Variants in SCARB2 observed in about 807,000 individuals in gnomAD.
SCARB2 encodes the protein lysosome membrane protein 2.
Under a neutral mutation model 58.6 loss-of-function variants are expected in SCARB2, and 29 were observed. That is an observed-to-expected ratio of 0.49 (90% CI 0.37 to 0.67). SCARB2 has a LOEUF of 0.67. SCARB2 is among the 30% of genes least tolerant of loss of function. SCARB2 has a pLI of 0.00. For missense variants in SCARB2, 488 were observed against 578.5 expected, an observed-to-expected ratio of 0.84 and a Z score of 1.60; for synonymous variants, 195 against 210.1, an observed-to-expected ratio of 0.93 and a Z score of 0.62.
At position 76,213,621 on chromosome 4, in the gene SCARB2, G is replaced by C; in HGVS notation, c.-78C>G. ...GCAAGGAGGGAGGAGCCGCCGCAGAGGCGTCGAAGACCCGGGACCCTTCGG... is the reference window on the plus strand; with the variant it reads ...GCAAGGAGGGAGGAGCCGCCGCAGACGCGTCGAAGACCCGGGACCCTTCGG... On this transcript the variant is annotated 5_prime_UTR_variant, in exon 1 of 12. Transcript: ENST00000264896. The C allele has an allele frequency of 2.5e-6, 3 of 1,206,208 alleles. No homozygotes were observed. In the Admixed American group the frequency reaches 5.5e-5, roughly 22 times the overall value. The allele number at this position is 1,206,208 out of a possible 1,614,324, so 74.7% of individuals were successfully genotyped here.
intron 2 of SCARB2, among the ~76,000 whole-genome samples, chr4:76,187,585 T>C (rs1732513928): frequency 6.6e-6 from 1 of 152,184 alleles, no homozygotes; most frequent in African/African-American, 2.4e-5. Flanking sequence ...TCCTATGCTA[T>C]AACATTAGGT....
At chr4:76,174,911 T>C (rs1025106867) in intron 6 of SCARB2, 2 of 160,842 alleles carry the variant, frequency 1.2e-5, no homozygotes, top group South Asian at 1.8e-4. Context: ...CATAGTCCCA[T>C]GTAATATGAC....
chr4:76,190,119 C>T (rs1354178885), intron 2 of SCARB2, among the ~76,000 whole-genome samples: 1 of 151,942 alleles, frequency 6.6e-6, no homozygotes, highest in Non-Finnish European at 1.5e-5. Context: ...AGCGATGCTC[C>T]CACCTCAGCC....
At chr4:76,201,803 A>G (rs10020793) in intron 1 of SCARB2, among the ~76,000 whole-genome samples, 237 of 152,366 alleles carry the variant, frequency 1.6e-3, no homozygotes, top group African/African-American at 5.6e-3. Flanking sequence ...ATCTGTCTTT[A>G]GCAATTTTGG....
In SCARB2 at chr4:76,161,735, C is replaced by A. The variant is rs1731902637; in HGVS notation, c.1415G>T (p.Arg472Ile). ...GSMDEGTADERAPLIRT is the reference protein window; with the variant it reads ...GSMDEGTADEIAPLIRT ...TGTTTAGGTTCGAATGAGGGGTGCT[C>A]TTTCATCCGCTGTTCCCTGAAACAC... The change falls in exon 12 of 12, where the codon AGA (arginine) becomes ATA (isoleucine). Residue 472 changes from arginine (R) to isoleucine (I), a missense_variant. Coordinates refer to ENST00000264896, the MANE Select transcript of SCARB2 (RefSeq NM_005506.4). The A allele has an allele frequency of 6.2e-7, 1 of 1,614,150 alleles. No individual in the cohort carries two copies. Among genetic ancestry groups the A allele is most frequent in the Non-Finnish European group, 8.5e-7 (1 of 1,180,036 alleles).
In SCARB2 at chr4:76,182,428, T is replaced by C. The variant is rs1732403456; in HGVS notation, c.276-1327A>G. Among the ~76,000 whole-genome samples, 4 of 152,238 alleles carry C rather than the reference T, an allele frequency of 2.6e-5. 1 individual carries two copies. The South Asian group carries it at 8.3e-4, about 32-fold the overall frequency. ...TAATGGGTAAAATTAAAATATATTA[T>C]CAAAATTAATTTTACCTGCTTCCTT... is the stretch of plus-strand genomic sequence containing the variant. On this transcript the variant is annotated intron_variant, in intron 2 of 11. Coordinates refer to ENST00000264896, the MANE Select transcript of SCARB2 (RefSeq NM_005506.4).
At chr4:76,167,894 A>C (rs992213635) in intron 9 of SCARB2, among the ~76,000 whole-genome samples, 9 of 151,944 alleles carry the variant, frequency 5.9e-5, no homozygotes, top group South Asian at 4.2e-4. Flanking sequence ...GTTGGCCAGG[A>C]TGGTCTTGAT....
At chr4:76,193,006 C>T (rs753641979) in intron 2 of SCARB2, 2 of 152,248 alleles carry the variant, frequency 1.3e-5, no homozygotes, top group Non-Finnish European at 2.9e-5. Context: ...ATCTCTGAGA[C>T]AGCCCCTTCC....
At chr4:76,161,880 C>T in intron 11 of SCARB2, 129 bp from the exon 12 acceptor site, 1 of 816,050 alleles carries the variant, frequency 1.2e-6, no homozygotes, top group Non-Finnish European at 2.1e-6. Flanking sequence ...TCATCTCACT[C>T]ACCTCCCCTC....
intron 1 of SCARB2, among the ~76,000 whole-genome samples, chr4:76,202,611 T>C (rs1732851396): frequency 6.6e-6 from 1 of 152,072 alleles, no homozygotes; most frequent in South Asian, 2.1e-4. Flanking sequence ...CCCTACCCAT[T>C]CCATTATATT....
intron 1 of SCARB2, among the ~76,000 whole-genome samples, chr4:76,206,894 G>A (rs1282023206): frequency 6.6e-6 from 1 of 151,970 alleles, no homozygotes; most frequent in African/African-American, 2.4e-5. Context: ...TGGACTCACA[G>A]GAAAGCCAAA....
chr4:76,188,972 C>T (rs1449105268), intron 2 of SCARB2, among the ~76,000 whole-genome samples: 1 of 152,196 alleles, frequency 6.6e-6, no homozygotes, highest in African/African-American at 2.4e-5. Flanking sequence ...TGAACTAAGT[C>T]CTATGGTTCC....
At position 76,229,044 on chromosome 4, in the gene SCARB2, C is replaced by A. The variant is rs113641986; in HGVS notation, c.-358+5259G>T. ...TTATTCATTTTTTTAATTACTTTTT[C>A]TTTGTCTTTGTCAGATTGGGTTAAT... On this transcript the variant is annotated intron_variant, in intron 1 of 11. Transcript: ENST00000638295. Among the ~76,000 whole-genome samples the A allele has an allele frequency of 5.7e-3, 874 of 152,086 alleles. 11 individuals are homozygous for A. Among genetic ancestry groups the A allele is most frequent in the African/African-American group, 0.02 (826 of 41,496 alleles).
chr4:76,177,445 A>G lies in SCARB2; in HGVS notation c.613-917T>C, dbSNP rs80123643. ...TAAAAATGTTGCAGTCACTGCAGAA[A>G]ACAGTTTGTCAGTTCTTAACAAAGT... On this transcript the variant is annotated intron_variant, in intron 4 of 11. Coordinates refer to ENST00000264896, the MANE Select transcript of SCARB2 (RefSeq NM_005506.4). Among the ~76,000 whole-genome samples the G allele has an allele frequency of 9.2e-5, 14 of 152,342 alleles. No homozygotes were observed. The East Asian group carries it at 2.5e-3, about 27-fold the overall frequency.
intron 9 of SCARB2, among the ~76,000 whole-genome samples, chr4:76,167,757 C>T (rs1732042804): frequency 7.1e-6 from 1 of 141,310 alleles, no homozygotes; most frequent in South Asian, 2.3e-4. Context: ...TCTTGGCTCA[C>T]TGTGACCTCC....
chr4:76,167,768 G>A (rs112938536), intron 9 of SCARB2, among the ~76,000 whole-genome samples: 5,089 of 139,414 alleles, frequency 0.037, 279 homozygotes, highest in African/African-American at 0.13. Context: ...TGTGACCTCC[G>A]ACTCCCTGGT....
chr4:76,165,976 T>C (rs565789875), intron 10 of SCARB2: 5 of 548,126 alleles, frequency 9.1e-6, no homozygotes, highest in African/African-American at 7.6e-5. Flanking sequence ...TCCTTTTACC[T>C]GTTTCTGTTT....
At chr4:76,163,181 TA>T in intron 11 of SCARB2, 43 bp downstream of exon 11, 1 of 1,612,738 alleles carries the variant, frequency 6.2e-7, no homozygotes, top group Non-Finnish European at 8.5e-7. Context: ...ATTCCTCAGG[TA>T]AAGTTATCCA....
chr4:76,213,298 GGA>G, intron 1 of SCARB2, 127 bp downstream of exon 1: 1 of 732,006 alleles, frequency 1.4e-6, no homozygotes. Flanking sequence ...TGGAAGACAG[GGA>G]CGCAAGAAGA....
Sources: gnomAD v4.1 joint callset for allele counts (sites outside exome capture counted in the v4.1 genomes callset) on GRCh38, gnomAD v4.1.1 for gene constraint, MANE v1.5 for transcripts, NCBI Gene and HGNC (gene_info 2026-07-23, HGNC 2026-07-21) for gene names.